The following SDK1 variants were observed in gnomAD, a reference collection of about 807,000 sequenced individuals.
SDK1 encodes sidekick cell adhesion molecule 1, also known as protein sidekick-1.
In SDK1, 157 loss-of-function variants were observed where a neutral mutation model predicts 245.5. That is an observed-to-expected ratio of 0.64 (90% CI 0.56 to 0.73). SDK1 has a LOEUF of 0.73. SDK1 is among the 30% of genes least tolerant of loss of function. The pLI is 0.00. For synonymous variants in SDK1, 1,647 were observed against 1,278.5 expected (o/e 1.29, Z -6.15); for missense variants, 3,583 against 3,002.3 (o/e 1.19, Z -4.52).
At chr7:3,925,546 C>A (rs1316362196) in intron 5 of SDK1, among the ~76,000 whole-genome samples, 1 of 152,156 alleles carries the variant, frequency 6.6e-6, no homozygotes, top group Non-Finnish European at 1.5e-5. Flanking sequence ...TGAACGCATG[C>A]AGGATGCTTC....
chr7:4,222,501 G>C (rs1450390972), intron 40 of SDK1, among the ~76,000 whole-genome samples: 4 of 152,088 alleles, frequency 2.6e-5, no homozygotes, highest in Non-Finnish European at 4.4e-5. Context: ...CACCATGTTG[G>C]CCAGGCTGGT....
chr7:3,664,416 T>C (rs1263340617), intron 4 of SDK1, among the ~76,000 whole-genome samples: 5 of 152,142 alleles, frequency 3.3e-5, no homozygotes, highest in Non-Finnish European at 5.9e-5. Flanking sequence ...TTCTGGAATA[T>C]TACAGCCTTT....
chr7:4,003,687 C>G (rs1785243229), intron 14 of SDK1, among the ~76,000 whole-genome samples: 1 of 152,248 alleles, frequency 6.6e-6, no homozygotes, highest in Admixed American at 6.5e-5. Context: ...CTGATGCTTG[C>G]TAGACCTTCC....
At chr7:4,208,362 C>T in intron 37 of SDK1, 77 bp downstream of exon 37, 1 of 1,376,986 alleles carries the variant, frequency 7.3e-7, no homozygotes, top group Non-Finnish European at 1.0e-6. Context: ...GGTCCCCTCA[C>T]ACAGTGGTTC....
At chr7:3,588,138 G>A (rs757800394) in intron 1 of SDK1, among the ~76,000 whole-genome samples, 1 of 152,168 alleles carries the variant, frequency 6.6e-6, no homozygotes, top group Non-Finnish European at 1.5e-5. Flanking sequence ...TAAGGGAGCT[G>A]AGTTACAGAG....
intron 1 of SDK1, among the ~76,000 whole-genome samples, chr7:3,343,984 A>G (rs986941722): frequency 2.0e-5 from 3 of 151,500 alleles, no homozygotes; most frequent in African/African-American, 7.3e-5. Flanking sequence ...GAAGGTGTAC[A>G]GACACTAAAC....
At chr7:3,454,854 G>A (rs1210656237) in intron 1 of SDK1, among the ~76,000 whole-genome samples, 1 of 152,270 alleles carries the variant, frequency 6.6e-6, no homozygotes, top group South Asian at 2.1e-4. Flanking sequence ...GTGCCCAAGT[G>A]TGTAATTGCT....
At position 3,952,130 on chromosome 7, in the gene SDK1, T is replaced by G. The variant is rs1047770966; in HGVS notation, c.1150+210T>G. 7 of 563,890 alleles carry G rather than the reference T, an allele frequency of 1.2e-5. No individual in the cohort carries two copies. The African/African-American group carries it at 1.4e-4, about 11-fold the overall frequency. 34.9% of individuals were successfully genotyped at this position (563,890 alleles called of 1,614,324 possible). On this transcript the variant is annotated intron_variant, in intron 7 of 44. Coordinates refer to ENST00000404826, the MANE Select transcript of SDK1 (RefSeq NM_152744.4). ...CCAAAGTGTTGATGTTCTCAATCCT[T>G]CCAAGAAACGTCCTTCTGAATACTC...
intron 4 of SDK1, among the ~76,000 whole-genome samples, chr7:3,791,840 G>A (rs1022714758): frequency 2.0e-5 from 3 of 152,144 alleles, no homozygotes; most frequent in Non-Finnish European, 4.4e-5. Context: ...ACACTGGCAT[G>A]GAGTCAGGCA....
chr7:3,685,918 G>T (rs924471893), intron 4 of SDK1, among the ~76,000 whole-genome samples: 2 of 151,956 alleles, frequency 1.3e-5, no homozygotes, highest in Non-Finnish European at 2.9e-5. Flanking sequence ...TATGTTAAAT[G>T]TAACAGATCT....
At chr7:3,377,596 TG>T (rs1781386907) in intron 1 of SDK1, among the ~76,000 whole-genome samples, 1 of 152,054 alleles carries the variant, frequency 6.6e-6, no homozygotes, top group African/African-American at 2.4e-5. Context: ...CTGTGTCTGT[TG>T]TAACAGTTCT....
chr7:4,039,068 C>T (rs567450020), intron 17 of SDK1, among the ~76,000 whole-genome samples: 14 of 151,036 alleles, frequency 9.3e-5, no homozygotes, highest in East Asian at 1.9e-4. Context: ...AACCAAACAC[C>T]GCATGTTCTC....
chr7:3,560,083 A>G (rs970898661), intron 1 of SDK1, among the ~76,000 whole-genome samples: 4 of 152,248 alleles, frequency 2.6e-5, no homozygotes, highest in African/African-American at 9.6e-5. Context: ...TTTTATCTTA[A>G]TAACCCATAC....
chr7:3,811,446 A>C (rs1779380191), intron 4 of SDK1, among the ~76,000 whole-genome samples: 1 of 152,188 alleles, frequency 6.6e-6, no homozygotes, highest in South Asian at 2.1e-4. Flanking sequence ...TTTTAACTTT[A>C]AGTCAGGTTC....
chr7:4,229,435 A>G (rs953645137), intron 40 of SDK1, among the ~76,000 whole-genome samples: 5 of 152,204 alleles, frequency 3.3e-5, no homozygotes, highest in African/African-American at 4.8e-5. Flanking sequence ...GTGTAAATGG[A>G]TTGCTAAATA....
chr7:3,414,332 A>G (rs957703411), intron 1 of SDK1, among the ~76,000 whole-genome samples: 3 of 152,026 alleles, frequency 2.0e-5, no homozygotes, highest in African/African-American at 7.2e-5. Flanking sequence ...CAGCCCACGG[A>G]GGAGGAGAGT....
intron 4 of SDK1, among the ~76,000 whole-genome samples, chr7:3,690,064 G>C (rs1168209660): frequency 3.3e-5 from 5 of 152,170 alleles, no homozygotes; most frequent in African/African-American, 1.2e-4. Context: ...TAATGCCTTA[G>C]AGAAGCACCC....
At chr7:4,148,889 C>G (rs971366490) in intron 29 of SDK1, among the ~76,000 whole-genome samples, 4 of 152,180 alleles carry the variant, frequency 2.6e-5, no homozygotes, top group Non-Finnish European at 4.4e-5. Context: ...AACCCTGTCT[C>G]TACTAAAAAT....
intron 1 of SDK1, among the ~76,000 whole-genome samples, chr7:3,618,099 A>T (rs998934747): frequency 6.6e-6 from 1 of 152,212 alleles, no homozygotes; most frequent in Non-Finnish European, 1.5e-5. Context: ...GATGAGGATC[A>T]GGTAGCTAAT....
Sources: gnomAD v4.1 joint callset for allele counts (sites outside exome capture counted in the v4.1 genomes callset) on GRCh38, gnomAD v4.1.1 for gene constraint, MANE v1.5 for transcripts, NCBI Gene and HGNC (gene_info 2026-07-23, HGNC 2026-07-21) for gene names.